The following IKZF2 variants were observed in gnomAD, a reference collection of about 807,000 sequenced individuals.
IKZF2 encodes the protein zinc finger protein Helios.
A neutral mutation model predicts 49.2 loss-of-function variants in IKZF2; 15 were observed. The ratio of observed to expected loss-of-function variants is 0.30; its 90% confidence interval spans 0.20 to 0.47. The LOEUF (loss-of-function observed/expected upper bound fraction) is 0.47. Among genes scored for constraint, IKZF2 ranks in the 20% least tolerant of loss-of-function variants. The probability of loss-of-function intolerance (pLI) is 1.00; values close to 1 mark genes in which losing one functional copy is unlikely to be tolerated. For missense variants in IKZF2, 567 were observed against 664.6 expected, an observed-to-expected ratio of 0.85 and a Z score of 1.61; for synonymous variants, 227 against 221.4, an observed-to-expected ratio of 1.03 and a Z score of -0.23.
chr2:213,036,247 G>T (rs1165563535), intron 6 of IKZF2, among the ~76,000 whole-genome samples: 1 of 152,090 alleles, frequency 6.6e-6, no homozygotes, highest in African/African-American at 2.4e-5. Context: ...TAAGGTGAAA[G>T]TATAATCTGT....
intron 7 of IKZF2, chr2:213,014,790 T>C (rs776596811): frequency 1.3e-5 from 2 of 151,982 alleles, no homozygotes; most frequent in Non-Finnish European, 2.9e-5. Context: ...TAATTAAGGA[T>C]AGGGTAACAA....
chr2:213,014,098 C>T, intron 7 of IKZF2, 164 bp from the exon 8 acceptor site: 2 of 565,288 alleles, frequency 3.5e-6, no homozygotes, highest in Non-Finnish European at 6.2e-6. Flanking sequence ...TTTAAATTTG[C>T]ACACACACAT....
chr2:213,097,877 CT>C, intron 4 of IKZF2: 1 of 177,052 alleles, frequency 5.6e-6, no homozygotes. Context: ...ACATCCTTAC[CT>C]TAAATTAATG....
intron 4 of IKZF2, among the ~76,000 whole-genome samples, chr2:213,129,053 G>T (rs916149803): frequency 1.9e-4 from 29 of 151,842 alleles, no homozygotes; most frequent in African/African-American, 6.8e-4. Context: ...GAACACTACA[G>T]TGTAAAACAC....
chr2:213,136,404 GAAA>G (rs138325999), intron 4 of IKZF2, among the ~76,000 whole-genome samples: 1 of 77,338 alleles, frequency 1.3e-5, no homozygotes, highest in African/African-American at 3.2e-5. Flanking sequence ...AAAAGAAAAA[GAAA>G]AGAAAAAAGA....
chr2:213,091,352 C>G (rs138646646), intron 4 of IKZF2, among the ~76,000 whole-genome samples: 3 of 152,080 alleles, frequency 2.0e-5, no homozygotes, highest in Admixed American at 2.0e-4. Flanking sequence ...TTCTTGAGGT[C>G]GAAATGGAGA....
At chr2:213,063,339 G>A (rs1701873540) in intron 4 of IKZF2, among the ~76,000 whole-genome samples, 1 of 151,906 alleles carries the variant, frequency 6.6e-6, no homozygotes, top group South Asian at 2.1e-4. Context: ...TCCAACAATA[G>A]TGTAGTAAAG....
At chr2:213,073,316 A>G (rs549361191) in intron 4 of IKZF2, among the ~76,000 whole-genome samples, 1 of 152,342 alleles carries the variant, frequency 6.6e-6, no homozygotes, top group African/African-American at 2.4e-5. Context: ...GATGGAGTTC[A>G]GTGAGTAAGA....
chr2:213,020,316 T>C (rs1306794593), intron 7 of IKZF2, among the ~76,000 whole-genome samples: 1 of 152,198 alleles, frequency 6.6e-6, no homozygotes, highest in Non-Finnish European at 1.5e-5. Context: ...TTTACTGTTA[T>C]TCAGTTATTT....
chr2:213,130,591 GA>G (rs914223012), intron 4 of IKZF2, among the ~76,000 whole-genome samples: 8 of 151,930 alleles, frequency 5.3e-5, no homozygotes, highest in Non-Finnish European at 7.4e-5. Flanking sequence ...TAATTCAAAG[GA>G]AAAAAATGTC....
chr2:213,138,962 T>C (rs557224837), intron 4 of IKZF2, among the ~76,000 whole-genome samples: 1 of 152,144 alleles, frequency 6.6e-6, no homozygotes, highest in Non-Finnish European at 1.5e-5. Context: ...TAAGAACTCT[T>C]AAACTGCTGA....
At chr2:213,105,235 C>T (rs892130363) in intron 4 of IKZF2, among the ~76,000 whole-genome samples, 9 of 152,154 alleles carry the variant, frequency 5.9e-5, no homozygotes, top group Admixed American at 1.3e-4. Flanking sequence ...CCCTCATGAG[C>T]TACCCACAGA....
chr2:213,004,246 C>A lies in IKZF2; in HGVS notation c.*3114G>T, dbSNP rs373816664. 3 of 151,752 alleles carry A rather than the reference C, an allele frequency of 2.0e-5. No individual in the cohort carries two copies. In the South Asian group the frequency reaches 6.2e-4, roughly 31 times the overall value. 9.4% of individuals were successfully genotyped at this position (151,752 alleles called of 1,614,324 possible). A position where few individuals can be genotyped will look rare whatever the true frequency, so the allele number is the denominator to read the frequency against. Reference sequence around the variant, plus strand: ...AGGGGAGATACTTTCTACTACGTAGCCAAATCTAAGTCGTAGTTTCTTATT... The same window carrying A: ...AGGGGAGATACTTTCTACTACGTAGACAAATCTAAGTCGTAGTTTCTTATT... On this transcript the variant is annotated 3_prime_UTR_variant, in exon 9 of 9. Transcript: ENST00000434687.
At chr2:213,021,941 A>T in intron 7 of IKZF2, 52 bp downstream of exon 7, 1 of 1,244,036 alleles carries the variant, frequency 8.0e-7, no homozygotes, top group Non-Finnish European at 1.1e-6. Context: ...TTCATGTTGA[A>T]CTACAAAAGC....
intron 4 of IKZF2, among the ~76,000 whole-genome samples, chr2:213,072,634 T>A (rs1260677151): frequency 2.0e-5 from 1 of 49,868 alleles, no homozygotes; most frequent in Non-Finnish European, 4.5e-5. Flanking sequence ...CTCTTGAAAG[T>A]TAAGTCTGTT....
chr2:213,010,671 A>C (rs1005755326), intron 8 of IKZF2, among the ~76,000 whole-genome samples: 2 of 151,958 alleles, frequency 1.3e-5, no homozygotes, highest in African/African-American at 4.8e-5. Flanking sequence ...GTGTCCATAC[A>C]TGTGTGTGTG....
intron 4 of IKZF2, among the ~76,000 whole-genome samples, chr2:213,057,694 T>G (rs1309842624): frequency 2.6e-5 from 4 of 152,194 alleles, no homozygotes. Flanking sequence ...GCTATATAAA[T>G]GTAGTACACA....
At chr2:213,129,776 T>C (rs2060411810) in intron 4 of IKZF2, among the ~76,000 whole-genome samples, 2 of 152,100 alleles carry the variant, frequency 1.3e-5, no homozygotes, top group Non-Finnish European at 1.5e-5. Context: ...AGGCTTAAGG[T>C]ACTAGGAAAT....
chr2:213,137,273 C>G (rs4673728), intron 4 of IKZF2, among the ~76,000 whole-genome samples: 66,718 of 151,898 alleles, frequency 0.44, 18,111 homozygotes, highest in East Asian at 0.91. Context: ...TTTTATAATT[C>G]TCAGTTATGT....
Sources: allele counts gnomAD v4.1 joint callset (sites outside exome capture counted in the v4.1 genomes callset), GRCh38; gene constraint gnomAD v4.1.1; transcripts MANE v1.5; gene names NCBI Gene and HGNC (gene_info 2026-07-23, HGNC 2026-07-21).